The following GABBR2 variants were observed in gnomAD, a reference collection of about 807,000 sequenced individuals.
The protein encoded by GABBR2 is gamma-aminobutyric acid type B receptor subunit 2.
A neutral mutation model predicts 105.6 loss-of-function variants in GABBR2; 23 were observed. That is an observed-to-expected ratio of 0.22 (90% CI 0.16 to 0.31). The LOEUF (loss-of-function observed/expected upper bound fraction) is 0.31. Ranked by LOEUF, GABBR2 falls within the 10% of genes least tolerant of loss-of-function variation. The pLI, the probability that GABBR2 is intolerant of heterozygous loss-of-function variation, is 1.00. For synonymous variants in GABBR2, 478 were observed against 499.7 expected (o/e 0.96, Z 0.58); for missense variants, 734 against 1,245.5 (o/e 0.59, Z 6.18).
chr9:98,382,841 T>C (rs1445340390), intron 11 of GABBR2, among the ~76,000 whole-genome samples: 2 of 152,218 alleles, frequency 1.3e-5, no homozygotes, highest in African/African-American at 2.4e-5. Context: ...GTCATGCTGA[T>C]GTAGGAATAT....
chr9:98,562,459 T>C (rs1347130876), intron 2 of GABBR2, among the ~76,000 whole-genome samples: 1 of 152,168 alleles, frequency 6.6e-6, no homozygotes, highest in African/African-American at 2.4e-5. Context: ...TCAGATGTGG[T>C]TATATTAGGG....
In GABBR2 at chr9:98,496,482, G is replaced by C. The variant is rs371998319; in HGVS notation, c.663C>G (p.Gly221=). Residue 221 remains glycine, a synonymous_variant, in exon 4 of 19, where the codon GGC becomes GGG. Coordinates refer to ENST00000259455, the MANE Select transcript of GABBR2 (RefSeq NM_005458.8). The stretch of plus-strand genomic sequence containing the variant: ...CGGTGTCTGAAATCTCAATGTCCTC[G>C]CCATACAGAACTCCAGTCAGGTCAT... ...VRNDLTGVLY[G]EDIEISDTES... 3 of 1,612,634 alleles carry C rather than the reference G, an allele frequency of 1.9e-6. No individual in the cohort carries two copies. The highest frequency in any genetic ancestry group is 2.5e-6 in the Non-Finnish European group (3 of 1,179,086).
chr9:98,695,435 C>T (rs115367256), intron 1 of GABBR2, among the ~76,000 whole-genome samples: 2 of 152,132 alleles, frequency 1.3e-5, no homozygotes, highest in South Asian at 2.1e-4. Flanking sequence ...GAGCTCTCAG[C>T]GCACCTCAAA....
intron 1 of GABBR2, among the ~76,000 whole-genome samples, chr9:98,612,721 AG>A (rs1554721260): frequency 1.3e-5 from 2 of 152,168 alleles, no homozygotes; most frequent in East Asian, 1.9e-4. Context: ...TAAAATTCTC[AG>A]GGGGGAAAAA....
At chr9:98,325,196 T>C (rs1387358021) in intron 13 of GABBR2, among the ~76,000 whole-genome samples, 1 of 152,072 alleles carries the variant, frequency 6.6e-6, no homozygotes, top group Non-Finnish European at 1.5e-5. Context: ...TTCCTTATTT[T>C]GAGCTGAAAT....
At chr9:98,685,252 G>A (rs1238663515) in intron 1 of GABBR2, among the ~76,000 whole-genome samples, 1 of 152,232 alleles carries the variant, frequency 6.6e-6, no homozygotes, top group Non-Finnish European at 1.5e-5. Context: ...CTACACCAGT[G>A]GTTTGGCAGG....
chr9:98,418,247 G>A (rs1488468231), intron 7 of GABBR2, among the ~76,000 whole-genome samples: 3 of 152,216 alleles, frequency 2.0e-5, no homozygotes, highest in African/African-American at 7.2e-5. Flanking sequence ...GATGCATGAG[G>A]TGGGAGGGAG....
intron 13 of GABBR2, 45 bp downstream of exon 13, chr9:98,362,670 G>C (rs368303000): frequency 1.4e-6 from 2 of 1,446,460 alleles, no homozygotes; most frequent in South Asian, 3.3e-5. Context: ...CATGTGCCAG[G>C]GGCTGCATCT....
At chr9:98,339,164 G>C (rs992150861) in intron 13 of GABBR2, among the ~76,000 whole-genome samples, 1 of 151,910 alleles carries the variant, frequency 6.6e-6, no homozygotes, top group African/African-American at 2.4e-5. Context: ...GTTTCTTTTT[G>C]GGGTGACAAC....
chr9:98,496,301 G>A, intron 4 of GABBR2, 112 bp downstream of exon 4: 1 of 718,146 alleles, frequency 1.4e-6, no homozygotes, highest in Non-Finnish European at 2.5e-6. Context: ...TGCCAAGGTG[G>A]AAATGAACTT....
chr9:98,444,883 A>G (rs377288114), intron 7 of GABBR2, among the ~76,000 whole-genome samples: 1,616 of 41,692 alleles, frequency 0.039, 20 homozygotes, highest in African/African-American at 0.09. Flanking sequence ...GCGCGCGCAC[A>G]CACACACACA....
intron 2 of GABBR2, among the ~76,000 whole-genome samples, chr9:98,568,142 G>A (rs1828776824): frequency 6.6e-6 from 1 of 152,134 alleles, no homozygotes; most frequent in Non-Finnish European, 1.5e-5. Flanking sequence ...AAGGAGTGGG[G>A]GTTTGGATCA....
chr9:98,387,147 C>T (rs1032945577), intron 10 of GABBR2, among the ~76,000 whole-genome samples: 1 of 152,040 alleles, frequency 6.6e-6, no homozygotes, highest in Non-Finnish European at 1.5e-5. Flanking sequence ...TTTAGGAAGA[C>T]AGAAGTAGGG....
At chr9:98,637,266 G>C (rs1017425833) in intron 1 of GABBR2, among the ~76,000 whole-genome samples, 1 of 152,136 alleles carries the variant, frequency 6.6e-6, no homozygotes, top group Non-Finnish European at 1.5e-5. Context: ...TGCGAAAAGG[G>C]AGACACAGTT....
At chr9:98,523,627 G>C (rs1007693685) in intron 3 of GABBR2, among the ~76,000 whole-genome samples, 2 of 152,182 alleles carry the variant, frequency 1.3e-5, no homozygotes, top group African/African-American at 4.8e-5. Flanking sequence ...TACAGGAGGG[G>C]CTTGAGGATG....
intron 7 of GABBR2, among the ~76,000 whole-genome samples, chr9:98,412,572 C>T (rs1003926064): frequency 2.3e-4 from 35 of 152,148 alleles, no homozygotes; most frequent in Admixed American, 7.9e-4. Context: ...CCTCAGAAGC[C>T]AAAGTTTTTC....
At chr9:98,532,268 T>C (rs112469341) in intron 3 of GABBR2, among the ~76,000 whole-genome samples, 46 of 152,298 alleles carry the variant, frequency 3.0e-4, no homozygotes, top group African/African-American at 1.1e-3. Context: ...ATAAGAATCT[T>C]TTCCTGCTGG....
intron 13 of GABBR2, among the ~76,000 whole-genome samples, chr9:98,340,552 G>T (rs57846832): frequency 6.6e-6 from 1 of 151,948 alleles, no homozygotes; most frequent in Non-Finnish European, 1.5e-5. Context: ...AAGCCACCAC[G>T]CCTGGCTCAT....
chr9:98,323,693 G>C (rs1257992653), intron 13 of GABBR2, among the ~76,000 whole-genome samples: 1 of 152,214 alleles, frequency 6.6e-6, no homozygotes, highest in African/African-American at 2.4e-5. Context: ...CCTTGAGGCA[G>C]CTGAGCTGTT....
Sources: gnomAD v4.1 joint callset for allele counts (sites outside exome capture counted in the v4.1 genomes callset) on GRCh38, gnomAD v4.1.1 for gene constraint, MANE v1.5 for transcripts, NCBI Gene and HGNC (gene_info 2026-07-23, HGNC 2026-07-21) for gene names.